Variants in MGAT5 observed in about 807,000 individuals in gnomAD.
The protein encoded by MGAT5 is alpha-1,6-mannosylglycoprotein 6-beta-N-acetylglucosaminyltransferase.
In MGAT5, 30 loss-of-function variants were observed where a neutral mutation model predicts 94.3. The observed-to-expected ratio is 0.32, with a 90% confidence interval of 0.24 to 0.43. The LOEUF (loss-of-function observed/expected upper bound fraction) is 0.43, where lower values mean the gene tolerates loss of function less well. MGAT5 is among the 20% of genes least tolerant of loss of function. The probability of loss-of-function intolerance (pLI) is 1.00; values close to 1 mark genes in which losing one functional copy is unlikely to be tolerated. For synonymous variants in MGAT5, 310 were observed against 322.9 expected, an observed-to-expected ratio of 0.96 and a Z score of 0.43; for missense variants, 691 against 905.5, an observed-to-expected ratio of 0.76 and a Z score of 3.04.
intron 10 of MGAT5, 125 bp downstream of exon 10, chr2:134,362,533 CAAGAAT>C (rs1312741992): frequency 4.2e-6 from 5 of 1,182,100 alleles, no homozygotes; most frequent in Non-Finnish European, 6.0e-6. Context: ...TAGACATAAA[CAAGAAT>C]GTGCAAAGAT....
At chr2:134,345,942 T>A (rs1212486853) in intron 8 of MGAT5, among the ~76,000 whole-genome samples, 1 of 152,206 alleles carries the variant, frequency 6.6e-6, no homozygotes, top group Non-Finnish European at 1.5e-5. Flanking sequence ...CTTTAAAAGT[T>A]TCCTTTAAAA....
chr2:134,229,383 G>A (rs923960600), intron 1 of MGAT5, among the ~76,000 whole-genome samples: 3 of 152,150 alleles, frequency 2.0e-5, no homozygotes, highest in South Asian at 2.1e-4. Context: ...TTAACAGATC[G>A]GCATTCCTGA....
At chr2:134,370,547 A>G (rs1325753587) in intron 10 of MGAT5, among the ~76,000 whole-genome samples, 1 of 152,278 alleles carries the variant, frequency 6.6e-6, no homozygotes, top group African/African-American at 2.4e-5. Context: ...TAAAAGTCAG[A>G]AAAGATCTTT....
Position 134,405,177 on chromosome 2 carries a change from G to A in MGAT5, c.1530+2040G>A, listed in dbSNP as rs190123269. ...AAACGGAGATCGCTGATGTCCAGGG[G>A]AGGACAGGAAAAGAGGCAGGGAAGG... On this transcript the variant is annotated intron_variant, in intron 11 of 15. Transcript: ENST00000281923. Among the ~76,000 whole-genome samples, 547 of 152,340 alleles carry A rather than the reference G, an allele frequency of 3.6e-3. 1 individual carries two copies. Among genetic ancestry groups the A allele is most frequent in the Middle Eastern group, 0.01 (3 of 294 alleles).
chr2:134,227,872 T>G (rs976221526), intron 1 of MGAT5, among the ~76,000 whole-genome samples: 21 of 152,000 alleles, frequency 1.4e-4, no homozygotes, highest in Non-Finnish European at 2.8e-4. Flanking sequence ...GCAGAACAGG[T>G]GGAATGAGCC....
intron 5 of MGAT5, among the ~76,000 whole-genome samples, chr2:134,336,638 C>T (rs1192558628): frequency 1.3e-5 from 2 of 151,972 alleles, no homozygotes; most frequent in African/African-American, 4.8e-5. Flanking sequence ...AGGAAGAGGT[C>T]ATTTTAGTCT....
chr2:134,288,073 A>C (rs1685118900), intron 2 of MGAT5, among the ~76,000 whole-genome samples: 1 of 152,104 alleles, frequency 6.6e-6, no homozygotes. Context: ...TGCTTACTGA[A>C]TTTTGAATTC....
intron 1 of MGAT5, among the ~76,000 whole-genome samples, chr2:134,261,732 G>T (rs1258095742): frequency 1.3e-5 from 2 of 152,138 alleles, no homozygotes; most frequent in African/African-American, 4.8e-5. Flanking sequence ...AAAGAGGAGG[G>T]ACTTTGGTCT....
intron 11 of MGAT5, among the ~76,000 whole-genome samples, chr2:134,412,589 C>A (rs913816331): frequency 2.0e-5 from 3 of 152,020 alleles, no homozygotes; most frequent in African/African-American, 7.2e-5. Flanking sequence ...ATCCTCCCTA[C>A]CCCGTGGATA....
At chr2:134,373,861 G>T (rs2106167809) in intron 10 of MGAT5, among the ~76,000 whole-genome samples, 1 of 152,304 alleles carries the variant, frequency 6.6e-6, no homozygotes, top group African/African-American at 2.4e-5. Context: ...GGCTTCATTT[G>T]GTTCAAGGGT....
At chr2:134,443,133 C>T (rs1685578105) in intron 15 of MGAT5, among the ~76,000 whole-genome samples, 1 of 152,032 alleles carries the variant, frequency 6.6e-6, no homozygotes, top group Non-Finnish European at 1.5e-5. Context: ...CTCTTGTGTC[C>T]TGCCTGCTGC....
intron 1 of MGAT5, among the ~76,000 whole-genome samples, chr2:134,138,904 C>T (rs746157369): frequency 9.9e-4 from 150 of 152,262 alleles, no homozygotes; most frequent in Middle Eastern, 6.8e-3. Flanking sequence ...GGTCCCCCTA[C>T]TGATAAGGTA....
At chr2:134,332,461 G>A (rs1248339532) in intron 4 of MGAT5, among the ~76,000 whole-genome samples, 2 of 152,148 alleles carry the variant, frequency 1.3e-5, no homozygotes, top group African/African-American at 4.8e-5. Context: ...AGACTTAAAT[G>A]TTAGACCTAA....
At chr2:134,344,348 A>G (rs1245093704) in intron 7 of MGAT5, among the ~76,000 whole-genome samples, 1 of 152,158 alleles carries the variant, frequency 6.6e-6, no homozygotes, top group African/African-American at 2.4e-5. Context: ...CATAAGAGAA[A>G]AAGTTAAGGA....
At position 134,273,766 on chromosome 2, in the gene MGAT5, G is replaced by T. The variant is rs150075113; in HGVS notation, c.406+3216G>T. Among the ~76,000 whole-genome samples, 84 of 152,186 alleles carry T rather than the reference G, an allele frequency of 5.5e-4. No homozygotes were observed. The East Asian group carries it at 0.013, about 24-fold the overall frequency. The stretch of plus-strand genomic sequence containing the variant: ...ATGTGAAAGTAAATTTGCCCCTAGG[G>T]AAATTTAGGTGGAAATGAGCTTTAT... On this transcript the variant is annotated intron_variant, in intron 2 of 15. Transcript: ENST00000281923.
chr2:134,125,351 G>C (rs1436323117), intron 1 of MGAT5, among the ~76,000 whole-genome samples: 6 of 152,218 alleles, frequency 3.9e-5, no homozygotes, highest in Non-Finnish European at 8.8e-5. Flanking sequence ...AGGTGGTCTA[G>C]ATCCAGAGCC....
intron 2 of MGAT5, among the ~76,000 whole-genome samples, chr2:134,303,978 C>T (rs952176330): frequency 5.9e-5 from 9 of 152,210 alleles, no homozygotes; most frequent in African/African-American, 2.2e-4. Context: ...TTTCTGCTCA[C>T]TTTCCCTCAC....
At chr2:134,277,027 C>T (rs1002079355) in intron 2 of MGAT5, among the ~76,000 whole-genome samples, 11 of 152,120 alleles carry the variant, frequency 7.2e-5, no homozygotes. Context: ...GGACTGTAGC[C>T]ACAAGCCATT....
rs113374331 is a variant in MGAT5 at position 134,375,314 on chromosome 2, T to C, written c.1380+12906T>C. Among the ~76,000 whole-genome samples, 684 of 152,316 alleles carry C rather than the reference T, an allele frequency of 4.5e-3. 11 individuals are homozygous for C. The highest frequency in any genetic ancestry group is 0.015 in the African/African-American group (641 of 41,572). ...TGGACTACAAGGAATGGATTCTCTC[T>C]TGGTAATTTCCTCCTCTGTCTCCAA... On this transcript the variant is annotated intron_variant, in intron 10 of 15. Coordinates refer to ENST00000281923, the MANE Select transcript of MGAT5 (RefSeq NM_002410.5).
Sources: gnomAD v4.1 joint callset for allele counts (sites outside exome capture counted in the v4.1 genomes callset) on GRCh38, gnomAD v4.1.1 for gene constraint, MANE v1.5 for transcripts, NCBI Gene and HGNC (gene_info 2026-07-23, HGNC 2026-07-21) for gene names.